Variants in DOCK7 observed in about 807,000 individuals in gnomAD.
The protein encoded by DOCK7 is dedicator of cytokinesis 7, also known as dedicator of cytokinesis protein 7.
Under a neutral mutation model 271.0 loss-of-function variants are expected in DOCK7, and 138 were observed. The ratio of observed to expected loss-of-function variants is 0.51; its 90% CI spans 0.44 to 0.59. DOCK7 has a LOEUF of 0.59. Ranked by LOEUF, DOCK7 falls within the 20% of genes least tolerant of loss-of-function variation. The pLI is 0.00. For synonymous variants in DOCK7, 823 were observed against 876.1 expected (o/e 0.94, Z 1.07); for missense variants, 2,066 against 2,592.4 (o/e 0.80, Z 4.41).
At chr1:62,653,689 A>T (rs1446475492) in intron 4 of DOCK7, 36 bp downstream of exon 4, 3 of 1,313,292 alleles carry the variant, frequency 2.3e-6, no homozygotes, top group East Asian at 2.3e-5. Context: ...AATCTTACTC[A>T]ATATTTGTAA....
At chr1:62,474,829 C>A (rs1286972389) in intron 47 of DOCK7, among the ~76,000 whole-genome samples, 1 of 152,032 alleles carries the variant, frequency 6.6e-6, no homozygotes, top group Admixed American at 6.6e-5. Context: ...ACAATAATTT[C>A]TTGTGTCAAT....
chr1:62,559,720 T>C (rs764433558), intron 19 of DOCK7, among the ~76,000 whole-genome samples: 1 of 152,144 alleles, frequency 6.6e-6, no homozygotes, highest in African/African-American at 2.4e-5. Context: ...CCTACCTCAC[T>C]GTGCAGAAAA....
chr1:62,600,092 C>T (rs1188220400), intron 14 of DOCK7, among the ~76,000 whole-genome samples: 1 of 151,692 alleles, frequency 6.6e-6, no homozygotes, highest in African/African-American at 2.4e-5. Flanking sequence ...CCATACTTTC[C>T]TTCTTATGAT....
chr1:62,670,429 A>C (rs1423795418), intron 1 of DOCK7, among the ~76,000 whole-genome samples: 2 of 152,220 alleles, frequency 1.3e-5, no homozygotes, highest in East Asian at 3.8e-4. Context: ...CCCTGTGTTT[A>C]GCTCAAGGTT....
chr1:62,512,946 G>C (rs1644532116), intron 33 of DOCK7, among the ~76,000 whole-genome samples: 1 of 151,710 alleles, frequency 6.6e-6, no homozygotes, highest in African/African-American at 2.4e-5. Flanking sequence ...ATGTTATATG[G>C]AATGATCCCT....
chr1:62,595,162 C>T (rs1649043731), intron 14 of DOCK7, among the ~76,000 whole-genome samples: 1 of 152,004 alleles, frequency 6.6e-6, no homozygotes, highest in Admixed American at 6.6e-5. Context: ...GGTACGAGAC[C>T]AAAATTCAGA....
chr1:62,583,855 T>C (rs1647217248), intron 15 of DOCK7, among the ~76,000 whole-genome samples: 1 of 152,174 alleles, frequency 6.6e-6, no homozygotes, highest in African/African-American at 2.4e-5. Flanking sequence ...GGAATAAGTT[T>C]ATAGATAAAG....
intron 48 of DOCK7, chr1:62,459,004 A>G (rs926165481): frequency 2.2e-4 from 33 of 152,212 alleles, no homozygotes; most frequent in African/African-American, 7.7e-4. Context: ...ATAGCATCAA[A>G]TGCTTATATT....
At chr1:62,570,509 A>G (rs1427191215) in intron 18 of DOCK7, among the ~76,000 whole-genome samples, 1 of 152,204 alleles carries the variant, frequency 6.6e-6, no homozygotes, top group Non-Finnish European at 1.5e-5. Context: ...TGCTATTCCC[A>G]TATAACCACT....
chr1:62,473,333 G>C (rs1345138589), intron 48 of DOCK7, among the ~76,000 whole-genome samples: 1 of 152,040 alleles, frequency 6.6e-6, no homozygotes, highest in Admixed American at 6.5e-5. Flanking sequence ...AAGTATTCTG[G>C]GGGGAGGGAA....
chr1:62,455,315 T>C lies in DOCK7; in HGVS notation c.*99A>G. On this transcript the variant is annotated 3_prime_UTR_variant, in exon 50 of 50. Transcript: ENST00000635253. Reference sequence around the variant, plus strand: ...CACTGCATTCTTCAATGAATAATAATTTCCAGAATTCCATTCCATGTTGTT... The same window carrying C: ...CACTGCATTCTTCAATGAATAATAACTTCCAGAATTCCATTCCATGTTGTT... The C allele has an allele frequency of 7.7e-7, 1 of 1,296,556 alleles. No individual in the cohort carries two copies. The highest frequency in any genetic ancestry group is 1.2e-5 in the South Asian group (1 of 81,974). The allele number at this position is 1,296,556 out of a possible 1,614,324, so 80.3% of individuals were successfully genotyped here.
At chr1:62,465,065 G>A (rs1645637638) in intron 48 of DOCK7, among the ~76,000 whole-genome samples, 1 of 152,144 alleles carries the variant, frequency 6.6e-6, no homozygotes, top group Non-Finnish European at 1.5e-5. Context: ...GTAAACAGAT[G>A]TAAAGATACA....
chr1:62,579,189 C>CT (rs1276376459), intron 16 of DOCK7, among the ~76,000 whole-genome samples: 1 of 152,092 alleles, frequency 6.6e-6, no homozygotes, highest in Non-Finnish European at 1.5e-5. Flanking sequence ...TCTTAATGGG[C>CT]TGAGTAATCC....
intron 11 of DOCK7, chr1:62,628,442 C>T (rs371427351): frequency 2.2e-4 from 33 of 152,236 alleles, no homozygotes; most frequent in African/African-American, 7.9e-4. Context: ...TAAGAAAATT[C>T]AATGGGAAAA....
At chr1:62,651,449 T>TAAAAAAAAAAAAA (rs71045850) in intron 4 of DOCK7, among the ~76,000 whole-genome samples, 1 of 130,144 alleles carries the variant, frequency 7.7e-6, no homozygotes, top group African/African-American at 2.9e-5. Flanking sequence ...TAAAGTATAA[T>TAAAAAAAAAAAAA]AAAAAAAAAA....
chr1:62,491,601 A>C (rs1646467694), intron 41 of DOCK7, among the ~76,000 whole-genome samples: 1 of 152,230 alleles, frequency 6.6e-6, no homozygotes. Context: ...CTAAAGAGTA[A>C]GGCCCAGGCC....
intron 7 of DOCK7, among the ~76,000 whole-genome samples, chr1:62,644,637 T>C (rs755719854): frequency 1.3e-4 from 20 of 152,294 alleles, no homozygotes; most frequent in Non-Finnish European, 2.4e-4. Context: ...TACTGACAAA[T>C]AGTCTTCTTA....
chr1:62,537,429 T>C (rs566220925), intron 28 of DOCK7, among the ~76,000 whole-genome samples: 2 of 151,912 alleles, frequency 1.3e-5, no homozygotes, highest in East Asian at 3.9e-4. Flanking sequence ...CTACTAAAAA[T>C]ACAAAAATTA....
chr1:62,651,104 A>C (rs904077328), intron 4 of DOCK7, among the ~76,000 whole-genome samples: 12 of 152,108 alleles, frequency 7.9e-5, no homozygotes, highest in African/African-American at 1.9e-4. Context: ...ACCATGGAAT[A>C]CTATGCAGCC....
Sources: gnomAD v4.1 joint callset for allele counts (sites outside exome capture counted in the v4.1 genomes callset) on GRCh38, gnomAD v4.1.1 for gene constraint, MANE v1.5 for transcripts, NCBI Gene and HGNC (gene_info 2026-07-23, HGNC 2026-07-21) for gene names.